Variants in AFG1L observed in about 807,000 individuals in gnomAD.
AFG1L encodes AFG1-like ATPase.
Under a neutral mutation model 62.2 loss-of-function variants are expected in AFG1L, and 53 were observed. That is an observed-to-expected ratio of 0.85 (90% CI 0.68 to 1.07). The LOEUF (loss-of-function observed/expected upper bound fraction) is 1.07, where lower values mean the gene tolerates loss of function less well. Among genes scored for constraint, AFG1L ranks in the 50% least tolerant of loss-of-function variants. AFG1L has a pLI of 0.00. For synonymous variants in AFG1L, 228 were observed against 210.3 expected (o/e 1.08, Z -0.73); for missense variants, 555 against 590.5 (o/e 0.94, Z 0.62).
chr6:108,318,553 G>C (rs1471576076), intron 1 of AFG1L: 1 of 161,004 alleles, frequency 6.2e-6, no homozygotes, highest in African/African-American at 2.4e-5. Flanking sequence ...AACTAAATAG[G>C]AGTAATTTTT....
At chr6:108,408,920 T>C (rs1378076822) in intron 7 of AFG1L, among the ~76,000 whole-genome samples, 1 of 152,160 alleles carries the variant, frequency 6.6e-6, no homozygotes, top group Non-Finnish European at 1.5e-5. Flanking sequence ...AAGACAGTTG[T>C]GGGCACAGGA....
intron 10 of AFG1L, among the ~76,000 whole-genome samples, chr6:108,490,657 C>G (rs1273939702): frequency 6.6e-6 from 1 of 152,192 alleles, no homozygotes; most frequent in African/African-American, 2.4e-5. Context: ...CAAATAGTTA[C>G]ATAGTCACAT....
chr6:108,453,692 T>C (rs979259384), intron 8 of AFG1L, among the ~76,000 whole-genome samples: 3 of 152,180 alleles, frequency 2.0e-5, no homozygotes, highest in Non-Finnish European at 4.4e-5. Flanking sequence ...TTTCTTAGAG[T>C]GATCATCACA....
intron 5 of AFG1L, among the ~76,000 whole-genome samples, chr6:108,362,108 T>G (rs919556068): frequency 3.9e-5 from 6 of 152,220 alleles, no homozygotes; most frequent in Admixed American, 2.6e-4. Context: ...TTACATATAA[T>G]AGCATTTCTC....
At chr6:108,429,254 A>G (rs887727935) in intron 7 of AFG1L, among the ~76,000 whole-genome samples, 2 of 152,222 alleles carry the variant, frequency 1.3e-5, no homozygotes, top group East Asian at 1.9e-4. Flanking sequence ...GGTAATTTAT[A>G]AAGGAAAGAG....
At chr6:108,466,291 C>T (rs1772662042) in intron 8 of AFG1L, among the ~76,000 whole-genome samples, 1 of 152,068 alleles carries the variant, frequency 6.6e-6, no homozygotes, top group East Asian at 1.9e-4. Flanking sequence ...GCAATTCTAG[C>T]CATATGCCCA....
intron 7 of AFG1L, among the ~76,000 whole-genome samples, chr6:108,421,633 C>A (rs758637085): frequency 8.6e-5 from 13 of 152,008 alleles, no homozygotes; most frequent in Non-Finnish European, 1.3e-4. Flanking sequence ...CCCTGCACCC[C>A]CCCTGTCTGC....
intron 8 of AFG1L, among the ~76,000 whole-genome samples, chr6:108,460,905 T>C (rs932885401): frequency 1.3e-5 from 2 of 152,064 alleles, no homozygotes; most frequent in African/African-American, 4.8e-5. Context: ...TGCAGTGAGC[T>C]GAGATGGCGC....
intron 8 of AFG1L, among the ~76,000 whole-genome samples, chr6:108,471,906 C>T (rs953048985): frequency 5.3e-5 from 8 of 152,140 alleles, no homozygotes; most frequent in Non-Finnish European, 1.2e-4. Flanking sequence ...CAGAACAGAG[C>T]ATACTGGGAA....
chr6:108,481,728 G>A (rs538186181), intron 10 of AFG1L, among the ~76,000 whole-genome samples: 3 of 152,252 alleles, frequency 2.0e-5, no homozygotes, highest in East Asian at 1.9e-4. Context: ...GAAAGTACAC[G>A]TAATAAAACA....
chr6:108,504,206 G>A lies in AFG1L; in HGVS notation c.1063-6006G>A, dbSNP rs114997279. ...ACTTGGCTAACTGTTTGGCTCAAGA[G>A]GCCTAGCTTTTGGCCTGTCTTGACT... On this transcript the variant is annotated intron_variant, in intron 10 of 12. Coordinates refer to ENST00000368977, the MANE Select transcript of AFG1L (RefSeq NM_145315.5). 6.6e-3 allele frequency among the ~76,000 whole-genome samples: 1,009 copies of A among 152,288 alleles called. 12 individuals are homozygous for A. The highest frequency in any genetic ancestry group is 0.023 in the African/African-American group (961 of 41,562).
intron 6 of AFG1L, among the ~76,000 whole-genome samples, chr6:108,369,947 G>GATCTATCTATCTAT (rs1554189699): frequency 0.034 from 4,477 of 130,160 alleles, 104 homozygotes; most frequent in Non-Finnish European, 0.043. Flanking sequence ...TGGCTGGCTG[G>GATCTATCTATCTAT]CTATCTATCT....
At chr6:108,484,084 T>A (rs1480197332) in intron 10 of AFG1L, among the ~76,000 whole-genome samples, 1 of 152,208 alleles carries the variant, frequency 6.6e-6, no homozygotes, top group Non-Finnish European at 1.5e-5. Context: ...TCTCTACTAC[T>A]TGGCCAAGAG....
In AFG1L at chr6:108,340,367, G is replaced by GT. The variant is rs35206585; in HGVS notation, c.364-6607dup. Among the ~76,000 whole-genome samples, 163 of 116,738 alleles carry GT rather than the reference G, an allele frequency of 1.4e-3. 1 individual carries two copies. The highest frequency in any genetic ancestry group is 3.0e-3 in the African/African-American group (98 of 32,618). 76.6% of individuals were successfully genotyped at this position (116,738 alleles called of 152,430 possible). ...TCTAACAGAAAGTTATAATTTCAGT[G>GT]TTTTTTTTTTTTTTGAGATGGAGTC... On this transcript the variant is annotated intron_variant, in intron 2 of 12. Transcript: ENST00000368977.
intron 8 of AFG1L, among the ~76,000 whole-genome samples, chr6:108,450,980 A>G (rs966979705): frequency 2.8e-4 from 42 of 151,956 alleles, no homozygotes; most frequent in African/African-American, 9.4e-4. Flanking sequence ...TTACCCTGTA[A>G]CAGACTTTAA....
At chr6:108,330,437 G>A (rs1204589371) in intron 2 of AFG1L, among the ~76,000 whole-genome samples, 1 of 152,126 alleles carries the variant, frequency 6.6e-6, no homozygotes, top group African/African-American at 2.4e-5. Context: ...GCCTCCCAAA[G>A]TGTTGAGATT....
At chr6:108,394,075 TTTTCTCTCTTTTCTC>T (rs1195633264) in intron 6 of AFG1L, among the ~76,000 whole-genome samples, 1 of 141,926 alleles carries the variant, frequency 7.0e-6, no homozygotes, top group Non-Finnish European at 1.5e-5. Flanking sequence ...CTTTCCTTCC[TTTTCTCTCTTTTCTC>T]TTTCTCTCTT....
intron 8 of AFG1L, among the ~76,000 whole-genome samples, chr6:108,466,743 T>A (rs1278549935): frequency 4.7e-4 from 63 of 132,874 alleles, no homozygotes; most frequent in African/African-American, 1.3e-3. Flanking sequence ...ATATATTTTT[T>A]AAAATATATT....
chr6:108,500,744 G>A (rs1224639210), intron 10 of AFG1L, among the ~76,000 whole-genome samples: 3 of 152,040 alleles, frequency 2.0e-5, no homozygotes, highest in South Asian at 2.1e-4. Flanking sequence ...GTTTCCATGG[G>A]GGTTGAACTA....
Sources: allele counts gnomAD v4.1 joint callset (sites outside exome capture counted in the v4.1 genomes callset), GRCh38; gene constraint gnomAD v4.1.1; transcripts MANE v1.5; gene names NCBI Gene and HGNC (gene_info 2026-07-23, HGNC 2026-07-21).